EFCAB5: variants seen among roughly 807,000 people sequenced by gnomAD.
The protein encoded by EFCAB5 is EF-hand calcium binding domain 5, also known as EF-hand calcium-binding domain-containing protein 5.
Under a neutral mutation model 167.9 loss-of-function variants are expected in EFCAB5, and 131 were observed. The ratio of observed to expected loss-of-function variants is 0.78; its 90% CI spans 0.68 to 0.90. EFCAB5 has a LOEUF of 0.90. Ranked by LOEUF, EFCAB5 falls within the 40% of genes least tolerant of loss-of-function variation. The pLI is 0.00. For synonymous variants in EFCAB5, 574 were observed against 602.8 expected (o/e 0.95, Z 0.70); for missense variants, 1,663 against 1,745.2 (o/e 0.95, Z 0.84).
At chr17:30,099,163 C>G (rs572973143) in intron 22 of EFCAB5, among the ~76,000 whole-genome samples, 1 of 152,128 alleles carries the variant, frequency 6.6e-6, no homozygotes, top group African/African-American at 2.4e-5. Context: ...GTATACATAC[C>G]TTTGGAGTGC....
At chr17:30,033,061 C>A (rs78355492) in intron 7 of EFCAB5, among the ~76,000 whole-genome samples, 1 of 151,724 alleles carries the variant, frequency 6.6e-6, no homozygotes, top group African/African-American at 2.4e-5. Flanking sequence ...AGGAAATCAT[C>A]GGCTGTGAGC....
Position 30,080,628 on chromosome 17 carries a change from C to A in EFCAB5, c.3198-125C>A, listed in dbSNP as rs1037767515. ...CAGACCTCCAAACTGGTCATCTTAT[C>A]TGAGTCCACTGCTCGGTCATATAAT... On this transcript the variant is annotated intron_variant, in intron 16 of 22. Coordinates refer to ENST00000394835, the MANE Select transcript of EFCAB5 (RefSeq NM_198529.4). The A allele has an allele frequency of 4.5e-5, 31 of 690,498 alleles. No individual in the cohort carries two copies. In the South Asian group the frequency reaches 5.3e-4, roughly 12 times the overall value. 42.8% of individuals were successfully genotyped at this position (690,498 alleles called of 1,614,324 possible).
At chr17:30,070,881 C>A (rs2070714557) in intron 14 of EFCAB5, among the ~76,000 whole-genome samples, 1 of 131,946 alleles carries the variant, frequency 7.6e-6, no homozygotes, top group Admixed American at 9.6e-5. Flanking sequence ...ACCCAGGAGG[C>A]AGAGGTTGCA....
intron 2 of EFCAB5, among the ~76,000 whole-genome samples, chr17:29,942,899 TTGG>T (rs1484564843): frequency 1.3e-5 from 2 of 152,046 alleles, no homozygotes; most frequent in Non-Finnish European, 2.9e-5. Context: ...TTATCTGGGC[TTGG>T]TGGTGCATGC....
intron 7 of EFCAB5, among the ~76,000 whole-genome samples, chr17:30,026,725 A>C (rs1246792844): frequency 5.9e-5 from 9 of 151,818 alleles, no homozygotes; most frequent in Non-Finnish European, 1.3e-4. Context: ...TAGTATAGAG[A>C]GGGCATATTT....
At chr17:29,953,924 G>C (rs750454412) in intron 3 of EFCAB5, among the ~76,000 whole-genome samples, 8 of 152,212 alleles carry the variant, frequency 5.3e-5, no homozygotes, top group Admixed American at 2.0e-4. Flanking sequence ...TGAGGAACTT[G>C]TTGGGAACTG....
At chr17:30,097,820 C>T (rs959527905) in intron 22 of EFCAB5, among the ~76,000 whole-genome samples, 1 of 151,970 alleles carries the variant, frequency 6.6e-6, no homozygotes, top group Admixed American at 6.6e-5. Context: ...CTTGATAATT[C>T]CCACCCCTTC....
intron 8 of EFCAB5, among the ~76,000 whole-genome samples, chr17:30,046,096 T>A (rs2069920792): frequency 6.6e-6 from 1 of 152,132 alleles, no homozygotes; most frequent in African/African-American, 2.4e-5. Context: ...AATATCAGAA[T>A]AATCACCACC....
intron 14 of EFCAB5, among the ~76,000 whole-genome samples, chr17:30,071,213 G>C (rs2070728791): frequency 6.7e-6 from 1 of 148,864 alleles, no homozygotes; most frequent in Admixed American, 6.7e-5. Flanking sequence ...ACTTGCAGAA[G>C]GGGAGAAAAT....
intron 1 of EFCAB5, among the ~76,000 whole-genome samples, chr17:29,933,310 G>T (rs902777088): frequency 1.3e-5 from 2 of 152,242 alleles, no homozygotes; most frequent in African/African-American, 4.8e-5. Context: ...TTCAGGCTTT[G>T]TCTGCAGATC....
intron 3 of EFCAB5, among the ~76,000 whole-genome samples, chr17:29,968,038 C>T (rs1473459182): frequency 6.6e-6 from 1 of 151,968 alleles, no homozygotes; most frequent in Non-Finnish European, 1.5e-5. Flanking sequence ...CCATGCCTGG[C>T]TAATTTTTTT....
intron 3 of EFCAB5, among the ~76,000 whole-genome samples, chr17:29,964,651 C>A (rs1346918851): frequency 6.6e-6 from 1 of 152,020 alleles, no homozygotes; most frequent in Non-Finnish European, 1.5e-5. Context: ...AATGTCCCCA[C>A]TTTCATTTCT....
intron 2 of EFCAB5, 87 bp downstream of exon 2, chr17:29,942,389 G>T: frequency 8.0e-7 from 1 of 1,243,160 alleles, no homozygotes; most frequent in Non-Finnish European, 1.1e-6. Flanking sequence ...AAAGATGTGG[G>T]TATTCAAAAA....
intron 14 of EFCAB5, chr17:30,073,076 A>G (rs1156752543): frequency 6.5e-6 from 4 of 612,922 alleles, no homozygotes; most frequent in African/African-American, 5.9e-5. Flanking sequence ...TTTTTTTTTG[A>G]GACCAGGTCT....
intron 14 of EFCAB5, among the ~76,000 whole-genome samples, chr17:30,067,703 A>G (rs2070612448): frequency 1.3e-5 from 2 of 152,222 alleles, no homozygotes. Flanking sequence ...AAGAAAGGCC[A>G]TACATAACAA....
In EFCAB5 at chr17:30,090,528, G is replaced by A; in HGVS notation, c.3791G>A (p.Gly1264Glu). 6.2e-7 allele frequency: 1 copy of A among 1,614,022 alleles called. No individual in the cohort carries two copies. The highest frequency in any genetic ancestry group is 8.5e-7 in the Non-Finnish European group (1 of 1,179,886). The change falls in exon 20 of 23, where the codon GGA (glycine) becomes GAA (glutamate). Residue 1264 changes from glycine (G) to glutamate (E), a missense_variant. Physicochemically the swap from Gly to Glu is moderately conservative, Grantham distance 98. Transcript: ENST00000394835. Reference protein sequence around the residue: ...PLRERTGEALGVLDFNIGQNR... With the variant: ...PLRERTGEALEVLDFNIGQNR... ...CGTGAGAGAACAGGAGAGGCTCTGG[G>A]AGTCCTCGATTTTAACATCGGCCAA...
intron 4 of EFCAB5, chr17:29,972,642 T>C (rs12942062): frequency 0.012 from 1,979 of 159,168 alleles, 23 homozygotes; most frequent in Non-Finnish European, 0.02. Context: ...TTGGAGCCAG[T>C]TGGGGTCTTG....
chr17:30,030,387 A>G (rs2069448594), intron 7 of EFCAB5, among the ~76,000 whole-genome samples: 1 of 152,184 alleles, frequency 6.6e-6, no homozygotes, highest in African/African-American at 2.4e-5. Context: ...TCTGTTGCCC[A>G]GGCTGGAGTG....
At chr17:29,961,121 G>A (rs1284571806) in intron 3 of EFCAB5, among the ~76,000 whole-genome samples, 1 of 152,086 alleles carries the variant, frequency 6.6e-6, no homozygotes, top group Non-Finnish European at 1.5e-5. Context: ...TATTTTCTGA[G>A]TTTCTGTTTG....
Sources: allele counts gnomAD v4.1 joint callset (sites outside exome capture counted in the v4.1 genomes callset), GRCh38; gene constraint gnomAD v4.1.1; transcripts MANE v1.5; gene names NCBI Gene and HGNC (gene_info 2026-07-23, HGNC 2026-07-21).